CNTNAP5: variants seen among roughly 807,000 people sequenced by gnomAD.
The protein encoded by CNTNAP5 is contactin-associated protein-like 5.
CNTNAP5 carries 72 observed loss-of-function variants against 150.2 expected under a neutral mutation model. The observed-to-expected ratio is 0.48, with a 90% CI of 0.40 to 0.58. The LOEUF (loss-of-function observed/expected upper bound fraction) is 0.58. CNTNAP5 is among the 20% of genes least tolerant of loss of function. CNTNAP5 has a pLI of 0.00. For synonymous variants in CNTNAP5, 672 were observed against 619.8 expected (o/e 1.08, Z -1.25); for missense variants, 1,636 against 1,626.2 (o/e 1.01, Z -0.10).
At chr2:124,302,986 A>G (rs1219532590) in intron 3 of CNTNAP5, among the ~76,000 whole-genome samples, 1 of 152,132 alleles carries the variant, frequency 6.6e-6, no homozygotes, top group Non-Finnish European at 1.5e-5. Context: ...TATTCTGACT[A>G]CGTAGATTTG....
chr2:124,629,467 T>C (rs1033143703), intron 12 of CNTNAP5, among the ~76,000 whole-genome samples: 4 of 152,124 alleles, frequency 2.6e-5, no homozygotes, highest in Admixed American at 1.3e-4. Flanking sequence ...GACTCCTGGG[T>C]AAATAATGAA....
Position 124,510,512 on chromosome 2 carries a change from T to TGTACAC in CNTNAP5, c.1327+5956_1327+5957insGTACAC, listed in dbSNP as rs1694560600. ...ATATATATATATATATATATATATATATATATACATATATCTCCATATATC... is the reference window on the plus strand; with the variant it reads ...ATATATATATATATATATATATATATGTACACATATATACATATATCTCCATATATC... On this transcript the variant is annotated intron_variant, in intron 8 of 23. Coordinates refer to ENST00000682447, the MANE Select transcript of CNTNAP5 (RefSeq NM_001367498.1). Among the ~76,000 whole-genome samples, 5 of 127,604 alleles carry TGTACAC rather than the reference T, an allele frequency of 3.9e-5. No individual in the cohort carries two copies. The South Asian group carries it at 1.3e-3, about 34-fold the overall frequency. 83.7% of individuals were successfully genotyped at this position (127,604 alleles called of 152,430 possible).
chr2:124,858,737 C>T (rs948748744), intron 19 of CNTNAP5, among the ~76,000 whole-genome samples: 1 of 152,104 alleles, frequency 6.6e-6, no homozygotes, highest in Non-Finnish European at 1.5e-5. Flanking sequence ...TAAATCATAT[C>T]ACCAGAGAAA....
chr2:124,365,643 T>A (rs1336779577), intron 3 of CNTNAP5, among the ~76,000 whole-genome samples: 17 of 152,186 alleles, frequency 1.1e-4, no homozygotes, highest in Admixed American at 1.0e-3. Flanking sequence ...GAATTTGAGA[T>A]CCAGCTTTAC....
intron 11 of CNTNAP5, among the ~76,000 whole-genome samples, chr2:124,607,065 G>A (rs544607862): frequency 5.3e-5 from 8 of 152,286 alleles, no homozygotes; most frequent in South Asian, 4.1e-4. Context: ...GTATGAGGGA[G>A]GCTCTTTTTG....
At chr2:124,852,341 G>T (rs185005716) in intron 19 of CNTNAP5, among the ~76,000 whole-genome samples, 25 of 152,226 alleles carry the variant, frequency 1.6e-4, no homozygotes, top group African/African-American at 5.5e-4. Context: ...ATAAGGAGGG[G>T]CTTCCTGGCA....
At chr2:124,188,229 A>G (rs1295942308) in intron 1 of CNTNAP5, among the ~76,000 whole-genome samples, 1 of 152,224 alleles carries the variant, frequency 6.6e-6, no homozygotes, top group Non-Finnish European at 1.5e-5. Context: ...GATTCACCAT[A>G]GAAAACAAAA....
intron 13 of CNTNAP5, among the ~76,000 whole-genome samples, chr2:124,660,874 G>T (rs1169716296): frequency 6.7e-6 from 1 of 150,318 alleles, no homozygotes. Context: ...AACCCGGAAG[G>T]CAGAGGTTGC....
At chr2:124,638,990 G>A (rs1342251321) in intron 12 of CNTNAP5, among the ~76,000 whole-genome samples, 1 of 152,106 alleles carries the variant, frequency 6.6e-6, no homozygotes, top group Non-Finnish European at 1.5e-5. Flanking sequence ...GCTGCACAGC[G>A]GAATTTCAAG....
At chr2:124,757,020 A>G (rs1049620735) in intron 14 of CNTNAP5, among the ~76,000 whole-genome samples, 1 of 152,226 alleles carries the variant, frequency 6.6e-6, no homozygotes, top group Non-Finnish European at 1.5e-5. Context: ...AAGTAATAGC[A>G]TGCCAGCACA....
At chr2:124,641,429 A>T (rs1678091894) in intron 12 of CNTNAP5, among the ~76,000 whole-genome samples, 1 of 152,176 alleles carries the variant, frequency 6.6e-6, no homozygotes, top group Non-Finnish European at 1.5e-5. Flanking sequence ...GCCTATATTT[A>T]CTAGCAGTCA....
chr2:124,453,746 A>G (rs1282998090), intron 6 of CNTNAP5, among the ~76,000 whole-genome samples: 1 of 152,184 alleles, frequency 6.6e-6, no homozygotes, highest in Non-Finnish European at 1.5e-5. Context: ...CACAAACAAA[A>G]CAATTATCAG....
intron 1 of CNTNAP5, among the ~76,000 whole-genome samples, chr2:124,109,221 A>G (rs1241083377): frequency 6.6e-6 from 1 of 152,186 alleles, no homozygotes; most frequent in Non-Finnish European, 1.5e-5. Flanking sequence ...AAAAAGGGGC[A>G]CACACTGAGG....
intron 4 of CNTNAP5, among the ~76,000 whole-genome samples, chr2:124,425,438 G>A (rs993046541): frequency 1.3e-5 from 2 of 152,198 alleles, no homozygotes. Flanking sequence ...GCTTGTCATT[G>A]CAGGATGCTG....
At chr2:124,662,494 T>C (rs944631683) in intron 13 of CNTNAP5, among the ~76,000 whole-genome samples, 2 of 152,218 alleles carry the variant, frequency 1.3e-5, no homozygotes, top group Admixed American at 1.3e-4. Flanking sequence ...CATGTATTTA[T>C]ATAAATGTGT....
At chr2:124,650,689 A>G (rs1678302850) in intron 13 of CNTNAP5, among the ~76,000 whole-genome samples, 1 of 152,174 alleles carries the variant, frequency 6.6e-6, no homozygotes, top group Non-Finnish European at 1.5e-5. Flanking sequence ...CGACCCTGTG[A>G]TACTCTTTTA....
chr2:124,518,976 G>A (rs1404565785), intron 8 of CNTNAP5, among the ~76,000 whole-genome samples: 1 of 114,376 alleles, frequency 8.7e-6, no homozygotes, highest in Non-Finnish European at 1.6e-5. Flanking sequence ...GCCGCAAAGT[G>A]TACTTTAGCC....
chr2:124,906,664 C>G (rs1678543962), intron 22 of CNTNAP5, among the ~76,000 whole-genome samples: 1 of 152,122 alleles, frequency 6.6e-6, no homozygotes, highest in South Asian at 2.1e-4. Flanking sequence ...GACTTTTAGC[C>G]TGAGATCTGT....
At chr2:124,502,865 C>G (rs1694308699) in intron 7 of CNTNAP5, among the ~76,000 whole-genome samples, 1 of 152,150 alleles carries the variant, frequency 6.6e-6, no homozygotes, top group Non-Finnish European at 1.5e-5. Context: ...GTTAGACAAA[C>G]ATGGGTTTGT....
Sources: gnomAD v4.1 joint callset for allele counts (sites outside exome capture counted in the v4.1 genomes callset) on GRCh38, gnomAD v4.1.1 for gene constraint, MANE v1.5 for transcripts, NCBI Gene and HGNC (gene_info 2026-07-23, HGNC 2026-07-21) for gene names.